INPP5A: variants seen among roughly 807,000 people sequenced by gnomAD.
INPP5A encodes 43 kDa inositol polyphosphate 5-phophatase.
A neutral mutation model predicts 65.2 loss-of-function variants in INPP5A; 14 were observed. That is an observed-to-expected ratio of 0.21 (90% CI 0.14 to 0.34). The LOEUF (loss-of-function observed/expected upper bound fraction) is 0.34, where lower values mean the gene tolerates loss of function less well. INPP5A is among the 10% of genes least tolerant of loss of function. INPP5A has a pLI of 1.00. For missense variants in INPP5A, 431 were observed against 545.6 expected (o/e 0.79, Z 2.09); for synonymous variants, 207 against 208.3 (o/e 0.99, Z 0.05).
intron 4 of INPP5A, among the ~76,000 whole-genome samples, chr10:132,652,497 C>T (rs529114666): frequency 3.3e-5 from 5 of 152,358 alleles, no homozygotes; most frequent in African/African-American, 7.2e-5. Context: ...AACATACCAA[C>T]GCAGGCCAAG....
chr10:132,614,318 T>G (rs1590869239), intron 2 of INPP5A, among the ~76,000 whole-genome samples: 1 of 152,042 alleles, frequency 6.6e-6, no homozygotes, highest in African/African-American at 2.4e-5. Flanking sequence ...ATACAAAAAA[T>G]TAGCCAGGCA....
intron 1 of INPP5A, among the ~76,000 whole-genome samples, chr10:132,593,896 T>C (rs2071650134): frequency 6.6e-6 from 1 of 152,216 alleles, no homozygotes; most frequent in South Asian, 2.1e-4. Flanking sequence ...TTCTTTAAGT[T>C]TGCCAGGAAC....
chr10:132,573,011 G>A lies in INPP5A; in HGVS notation c.75+34840G>A, dbSNP rs376091868. On this transcript the variant is annotated intron_variant, in intron 1 of 15. Transcript: ENST00000368594. ...GTTGAGATGTTGGGGTGTGCGTGCC[G>A]TGTGAGGTTTTGTTGCGATGTTGGG... is the stretch of plus-strand genomic sequence containing the variant. 5.3e-5 allele frequency among the ~76,000 whole-genome samples: 8 copies of A among 151,258 alleles called. No homozygotes were observed. The East Asian group carries it at 7.8e-4, about 15-fold the overall frequency.
chr10:132,591,509 G>A (rs2071618946), intron 1 of INPP5A, among the ~76,000 whole-genome samples: 2 of 152,222 alleles, frequency 1.3e-5, no homozygotes. Flanking sequence ...TTTCCTTCAG[G>A]AATGTCTTAA....
Position 132,776,239 on chromosome 10 carries a change from G to A in INPP5A, c.978-1432G>A, listed in dbSNP as rs751562166. ...TGACACGCAGGCCCTGCGTAGCTAC[G>A]TTTTTAACCAAGCAGTGACTGCCCA... On this transcript the variant is annotated intron_variant, in intron 12 of 15. Transcript: ENST00000368594. Among the ~76,000 whole-genome samples, 4 of 152,212 alleles carry A rather than the reference G, an allele frequency of 2.6e-5. No individual in the cohort carries two copies. The East Asian group carries it at 5.8e-4, about 22-fold the overall frequency.
At chr10:132,752,960 C>T (rs920541517) in intron 11 of INPP5A, among the ~76,000 whole-genome samples, 1 of 152,090 alleles carries the variant, frequency 6.6e-6, no homozygotes. Flanking sequence ...GGTGTGATTG[C>T]GGAGGCCTGG....
intron 11 of INPP5A, among the ~76,000 whole-genome samples, chr10:132,759,498 G>A (rs1049747362): frequency 3.9e-5 from 6 of 152,210 alleles, no homozygotes; most frequent in South Asian, 2.1e-4. Flanking sequence ...ACCAACAGGC[G>A]TTAGGGGCTG....
At chr10:132,588,718 G>A (rs1162683156) in intron 1 of INPP5A, among the ~76,000 whole-genome samples, 6 of 152,230 alleles carry the variant, frequency 3.9e-5, no homozygotes, top group Non-Finnish European at 5.9e-5. Context: ...TTTTAAGGAA[G>A]TCTTTGGAAG....
Position 132,766,120 on chromosome 10 carries a change from CTGTGCATCTGTGTGTGCACG to C in INPP5A, c.977+299_977+318del, listed in dbSNP as rs879578793. Among the ~76,000 whole-genome samples the C allele has an allele frequency of 4.9e-3, 747 of 151,558 alleles. 5 individuals are homozygous for C. The highest frequency in any genetic ancestry group is 0.017 in the African/African-American group (692 of 41,308). On this transcript the variant is annotated intron_variant, in intron 12 of 15. Coordinates refer to ENST00000368594, the MANE Select transcript of INPP5A (RefSeq NM_005539.5). ...TGCACGAGTGCATCTGTGTGTGCACCTGTGCATCTGTGTGTGCACGTGTGCATCTGTGTGTGCACGTGTGT... is the reference window on the plus strand; with the variant it reads ...TGCACGAGTGCATCTGTGTGTGCACCTGTGCATCTGTGTGTGCACGTGTGT...
chr10:132,569,798 T>C (rs1171816145), intron 1 of INPP5A, among the ~76,000 whole-genome samples: 5 of 149,456 alleles, frequency 3.3e-5, no homozygotes, highest in Admixed American at 2.0e-4. Flanking sequence ...GCCACCGCAC[T>C]GGGCCCCCAC....
At chr10:132,770,919 G>A (rs1846937224) in intron 12 of INPP5A, among the ~76,000 whole-genome samples, 1 of 152,164 alleles carries the variant, frequency 6.6e-6, no homozygotes, top group Non-Finnish European at 1.5e-5. Context: ...GGTCTCTGTG[G>A]TGGGGACGCC....
intron 1 of INPP5A, among the ~76,000 whole-genome samples, chr10:132,593,600 C>T (rs148002136): frequency 8.2e-4 from 125 of 152,244 alleles, no homozygotes; most frequent in African/African-American, 2.8e-3. Flanking sequence ...TGACTGGGGT[C>T]GGGGGGTAGT....
intron 8 of INPP5A, among the ~76,000 whole-genome samples, chr10:132,718,863 G>A (rs1294938068): frequency 1.3e-5 from 2 of 150,882 alleles, no homozygotes; most frequent in Non-Finnish European, 3.0e-5. Context: ...TTAGACGGCT[G>A]TCTTCAGGGT....
chr10:132,716,200 C>A (rs1411181751), intron 8 of INPP5A, among the ~76,000 whole-genome samples: 1 of 152,234 alleles, frequency 6.6e-6, no homozygotes, highest in Non-Finnish European at 1.5e-5. Flanking sequence ...AAGAAACAAA[C>A]CATGTGGGCC....
At chr10:132,667,979 G>T (rs1165493150) in intron 4 of INPP5A, among the ~76,000 whole-genome samples, 1 of 152,288 alleles carries the variant, frequency 6.6e-6, no homozygotes, top group African/African-American at 2.4e-5. Flanking sequence ...AGCAAATTCC[G>T]GAGCTTTGAC....
chr10:132,710,233 G>T, intron 7 of INPP5A, 104 bp from the exon 8 acceptor site: 1 of 1,389,102 alleles, frequency 7.2e-7, no homozygotes, highest in Non-Finnish European at 9.8e-7. Context: ...CCGCACGGCG[G>T]AGGCCAGTGC....
intron 5 of INPP5A, among the ~76,000 whole-genome samples, chr10:132,694,469 TTATC>T (rs1845315301): frequency 6.6e-6 from 1 of 152,036 alleles, no homozygotes; most frequent in Non-Finnish European, 1.5e-5. Context: ...CTAAAATCAA[TTATC>T]TAAGCTTCTA....
rs1367447316 is a variant in INPP5A at position 132,705,243 on chromosome 10, C to T, written c.475-3070C>T. Among the ~76,000 whole-genome samples, 1 of 152,222 alleles carries T rather than the reference C, an allele frequency of 6.6e-6. No individual in the cohort carries two copies. Among genetic ancestry groups the T allele is most frequent in the African/African-American group, 2.4e-5 (1 of 41,454 alleles). On this transcript the variant is annotated intron_variant, in intron 6 of 15. Transcript: ENST00000368594. This position sits in a 1 kb window ranked among gnomAD's most constrained non-coding sequence, Gnocchi z 4.9. Reference sequence around the variant, plus strand: ...ACAGAGGCTCCCCGGGGCAAATGGCCTCCCCGAGAGAGGAGGCGGACATGT... The same window carrying T: ...ACAGAGGCTCCCCGGGGCAAATGGCTTCCCCGAGAGAGGAGGCGGACATGT...
chr10:132,635,540 T>C (rs895770799), intron 2 of INPP5A, among the ~76,000 whole-genome samples: 6 of 151,448 alleles, frequency 4.0e-5, no homozygotes, highest in African/African-American at 9.7e-5. Context: ...GGACTACAGG[T>C]GCCCGCCACC....
Sources: allele counts gnomAD v4.1 joint callset (sites outside exome capture counted in the v4.1 genomes callset), GRCh38; gene constraint gnomAD v4.1.1; non-coding constraint Gnocchi (gnomAD v3.1); transcripts MANE v1.5; gene names NCBI Gene and HGNC (gene_info 2026-07-23, HGNC 2026-07-21).